TYW1B: variants seen among roughly 807,000 people sequenced by gnomAD.
TYW1B encodes S-adenosyl-L-methionine-dependent tRNA 4-demethylwyosine synthase TYW1B.
A neutral mutation model predicts 86.9 loss-of-function variants in TYW1B; 73 were observed. The ratio of observed to expected loss-of-function variants is 0.84; its 90% CI spans 0.70 to 1.02. The LOEUF is 1.02. Ranked by LOEUF, TYW1B falls within the 50% of genes least tolerant of loss-of-function variation. TYW1B has a pLI of 0.00. For synonymous variants in TYW1B, 248 were observed against 292.8 expected (o/e 0.85, Z 1.56); for missense variants, 637 against 827.4 (o/e 0.77, Z 2.82).
intron 10 of TYW1B, among the ~76,000 whole-genome samples, chr7:72,712,248 G>A (rs1408992803): frequency 9.9e-5 from 15 of 152,088 alleles, no homozygotes; most frequent in Non-Finnish European, 2.1e-4. Flanking sequence ...TGGAACCCTC[G>A]GTGTAATTAC....
At chr7:72,778,344 A>G (rs1787993464) in intron 6 of TYW1B, among the ~76,000 whole-genome samples, 1 of 152,200 alleles carries the variant, frequency 6.6e-6, no homozygotes, top group Non-Finnish European at 1.5e-5. Context: ...TTACATCTCT[A>G]AACCCCAAAA....
At chr7:72,667,026 C>T (rs1554445419) in intron 11 of TYW1B, among the ~76,000 whole-genome samples, 2 of 1,412 alleles carry the variant, frequency 1.4e-3, no homozygotes, top group Non-Finnish European at 1.3e-3. Context: ...AGCGAGACTC[C>T]GTCTCAAAAA....
intron 7 of TYW1B, among the ~76,000 whole-genome samples, chr7:72,775,084 G>T (rs1787932511): frequency 6.6e-6 from 1 of 152,102 alleles, no homozygotes; most frequent in Non-Finnish European, 1.5e-5. Flanking sequence ...AACTGAACTT[G>T]AAAACATAGC....
Position 72,706,744 on chromosome 7 carries a change from C to A in TYW1B, c.1370+6877G>T, listed in dbSNP as rs142464205. Among the ~76,000 whole-genome samples the A allele has an allele frequency of 2.2e-3, 331 of 152,250 alleles. 1 individual carries two copies. Among genetic ancestry groups the A allele is most frequent in the African/African-American group, 7.8e-3 (323 of 41,546 alleles). ...GTGTGGGAAACTGAAAACCACAGGG[C>A]TTCCTGGAAAAAATAACTACTCCTT... On this transcript the variant is annotated intron_variant, in intron 10 of 13. Transcript: ENST00000620995.
In TYW1B at chr7:72,668,263, T is replaced by C. The variant is rs1454765024; in HGVS notation, c.1506+26424A>G. ...CATCCATGACTCAATACTTATACACTATTATAGATGTTTTTGTTCAACCGT... is the reference window on the plus strand; with the variant it reads ...CATCCATGACTCAATACTTATACACCATTATAGATGTTTTTGTTCAACCGT... On this transcript the variant is annotated intron_variant, in intron 11 of 13. Coordinates refer to ENST00000620995, the MANE Select transcript of TYW1B (RefSeq NM_001145440.3). Among the ~76,000 whole-genome samples, 8 of 152,230 alleles carry C rather than the reference T, an allele frequency of 5.3e-5. No individual in the cohort carries two copies. The South Asian group carries it at 1.7e-3, about 31-fold the overall frequency.
intron 7 of TYW1B, among the ~76,000 whole-genome samples, chr7:72,766,629 A>AC (rs1787775292): frequency 7.1e-6 from 1 of 141,772 alleles, no homozygotes; most frequent in Non-Finnish European, 1.5e-5. Flanking sequence ...AAAAAAAAAA[A>AC]AAAACATAAC....
At chr7:72,713,300 C>CAAAAA (rs71069102) in intron 10 of TYW1B, among the ~76,000 whole-genome samples, 105 of 55,760 alleles carry the variant, frequency 1.9e-3, no homozygotes, top group South Asian at 3.9e-3. Flanking sequence ...GACTCCAACT[C>CAAAAA]AAAAAAAAAA....
At chr7:72,691,141 C>G (rs1814147927) in intron 11 of TYW1B, among the ~76,000 whole-genome samples, 1 of 152,186 alleles carries the variant, frequency 6.6e-6, no homozygotes, top group Admixed American at 6.5e-5. Context: ...TAAAACAAAT[C>G]TTTCTTAATA....
intron 7 of TYW1B, among the ~76,000 whole-genome samples, chr7:72,752,199 C>T (rs1434499834): frequency 2.6e-5 from 4 of 152,034 alleles, no homozygotes; most frequent in East Asian, 1.9e-4. Flanking sequence ...CAGCAGGGAT[C>T]GACAGCATTT....
At chr7:72,744,007 C>G (rs1324646315) in intron 8 of TYW1B, among the ~76,000 whole-genome samples, 1 of 108,646 alleles carries the variant, frequency 9.2e-6, no homozygotes, top group Non-Finnish European at 2.1e-5. Context: ...GGGCTGTAAC[C>G]AGCTGAAACA....
rs553517989 is a variant in TYW1B, at chr7:72,714,452, A to C, written c.1193-654T>G. Among the ~76,000 whole-genome samples, 217 of 146,356 alleles carry C rather than the reference A, an allele frequency of 1.5e-3. 1 individual carries two copies. The highest frequency in any genetic ancestry group is 3.4e-3 in the Admixed American group (50 of 14,624). ...GGCAATATAGTGAGACCTTGCCTCT[A>C]CTAAAAATTAAAAAAAAAAAAATAG... is the stretch of plus-strand genomic sequence containing the variant. On this transcript the variant is annotated intron_variant, in intron 9 of 13. Coordinates refer to ENST00000620995, the MANE Select transcript of TYW1B (RefSeq NM_001145440.3).
intron 8 of TYW1B, among the ~76,000 whole-genome samples, chr7:72,730,675 G>A (rs1787086985): frequency 6.6e-6 from 1 of 151,526 alleles, no homozygotes; most frequent in African/African-American, 2.4e-5. Flanking sequence ...AGAAAGGATA[G>A]AGGAGAGAGG....
At chr7:72,661,072 T>C (rs1400770125) in intron 11 of TYW1B, among the ~76,000 whole-genome samples, 1 of 151,008 alleles carries the variant, frequency 6.6e-6, no homozygotes, top group East Asian at 1.9e-4. Context: ...GAGGCGGAGG[T>C]TGCAGTGAGC....
chr7:72,770,427 CAAAAAA>C (rs587645992), intron 7 of TYW1B, among the ~76,000 whole-genome samples: 180 of 94,452 alleles, frequency 1.9e-3, no homozygotes, highest in Middle Eastern at 0.011. Flanking sequence ...GACTCCGTCT[CAAAAAA>C]AAAAAAAAAA....
intron 11 of TYW1B, among the ~76,000 whole-genome samples, chr7:72,644,973 G>A (rs782736376): frequency 6.6e-6 from 1 of 151,876 alleles, no homozygotes; most frequent in South Asian, 2.1e-4. Context: ...GACTACAGGC[G>A]TGTGCCACCA....
intron 10 of TYW1B, among the ~76,000 whole-genome samples, chr7:72,705,431 G>A (rs1814587934): frequency 6.6e-6 from 1 of 152,126 alleles, no homozygotes; most frequent in Admixed American, 6.6e-5. Flanking sequence ...ATGTACACAG[G>A]GATGAAATTT....
intron 13 of TYW1B, among the ~76,000 whole-genome samples, chr7:72,612,568 G>C (rs1405741561): frequency 6.6e-6 from 1 of 152,108 alleles, no homozygotes; most frequent in African/African-American, 2.4e-5. Flanking sequence ...CAGAAGAACT[G>C]GGTCAAAGTA....
At chr7:72,647,266 AC>A (rs1812950750) in intron 11 of TYW1B, among the ~76,000 whole-genome samples, 1 of 152,228 alleles carries the variant, frequency 6.6e-6, no homozygotes, top group Non-Finnish European at 1.5e-5. Context: ...GTAATTCAGT[AC>A]CAACGTTTAG....
chr7:72,699,016 T>A (rs1326272660), intron 10 of TYW1B, among the ~76,000 whole-genome samples: 1 of 152,192 alleles, frequency 6.6e-6, no homozygotes, highest in Non-Finnish European at 1.5e-5. Context: ...CAGCCCTTAA[T>A]ATTTACATTC....
Sources: gnomAD v4.1 joint callset for allele counts (sites outside exome capture counted in the v4.1 genomes callset) on GRCh38, gnomAD v4.1.1 for gene constraint, MANE v1.5 for transcripts, NCBI Gene and HGNC (gene_info 2026-07-23, HGNC 2026-07-21) for gene names.